Variants in PODXL observed in about 807,000 individuals in gnomAD.
PODXL encodes podocalyxin like.
Under a neutral mutation model 48.9 loss-of-function variants are expected in PODXL, and 20 were observed. The observed-to-expected ratio is 0.41, with a 90% confidence interval of 0.29 to 0.59. The LOEUF (loss-of-function observed/expected upper bound fraction) is 0.59. PODXL is among the 20% of genes least tolerant of loss of function. The probability of loss-of-function intolerance (pLI) is 0.31; values close to 1 mark genes in which losing one functional copy is unlikely to be tolerated. For missense variants in PODXL, 606 were observed against 675.1 expected (o/e 0.90, Z 1.13); for synonymous variants, 295 against 287.4 (o/e 1.03, Z -0.27).
At chr7:131,520,703 T>C (rs1798077746) in intron 1 of PODXL, among the ~76,000 whole-genome samples, 2 of 152,238 alleles carry the variant, frequency 1.3e-5, no homozygotes, top group Admixed American at 6.5e-5. Context: ...AATTGTTTCA[T>C]GTACAATCGT....
chr7:131,513,223 T>C (rs1032221287), intron 1 of PODXL, among the ~76,000 whole-genome samples: 8 of 151,994 alleles, frequency 5.3e-5, no homozygotes, highest in African/African-American at 1.7e-4. Context: ...AAAGAGAAGT[T>C]AGGAGGCAAT....
At chr7:131,508,899 T>C (rs144881342) in intron 5 of PODXL, 52 bp downstream of exon 5, 93 of 1,253,474 alleles carry the variant, frequency 7.4e-5, no homozygotes, top group Middle Eastern at 5.7e-4. Context: ...TCTCCCTCCC[T>C]CAGCCCTGCT....
chr7:131,506,813 C>G (rs2116780102), intron 5 of PODXL, 87 bp from the exon 6 acceptor site: 3 of 1,439,224 alleles, frequency 2.1e-6, no homozygotes, highest in Non-Finnish European at 2.9e-6. Context: ...AAGGTCGGGA[C>G]AGTGCTGTTG....
rs775136357 is a variant in PODXL, at chr7:131,509,480, G to A, written c.908C>T (p.Thr303Met). The A allele has an allele frequency of 2.5e-5, 40 of 1,613,776 alleles. No individual in the cohort carries two copies. The highest frequency in any genetic ancestry group is 1.6e-4 in the South Asian group (15 of 91,048). ...TGGCAGGGTAGGTGTTCTCAATGCCGTTGCCGGGCTCGTGGGCTGCACTGT... is the reference window on the plus strand; with the variant it reads ...TGGCAGGGTAGGTGTTCTCAATGCCATTGCCGGGCTCGTGGGCTGCACTGT... ...QETVQPTSPA[T>M]ALRTPTLPET... The change falls in exon 4 of 9, where the codon ACG becomes ATG. Residue 303 changes from threonine (T) to methionine (M), a missense_variant. Physicochemically the swap from Thr to Met is moderately conservative, Grantham distance 81 (BLOSUM62 -1). Coordinates refer to ENST00000378555, the MANE Select transcript of PODXL (RefSeq NM_001018111.3).
chr7:131,520,371 T>TC, intron 1 of PODXL: 1 of 471,446 alleles, frequency 2.1e-6, no homozygotes, highest in South Asian at 1.8e-5. Flanking sequence ...ATAAAGAATG[T>TC]CCCATACCTA....
At chr7:131,507,020 C>T (rs902753179) in intron 5 of PODXL, 3 of 357,126 alleles carry the variant, frequency 8.4e-6, no homozygotes, top group Admixed American at 4.3e-5. Context: ...CCTCTTTTTT[C>T]CCTCCAAGCT....
At chr7:131,530,211 G>T (rs1314788035) in intron 1 of PODXL, among the ~76,000 whole-genome samples, 1 of 134,758 alleles carries the variant, frequency 7.4e-6, no homozygotes. Flanking sequence ...GCTGGCCATT[G>T]TACACTGGCC....
chr7:131,554,398 C>T (rs1185700073), intron 1 of PODXL, among the ~76,000 whole-genome samples: 1 of 152,230 alleles, frequency 6.6e-6, no homozygotes, highest in Non-Finnish European at 1.5e-5. Flanking sequence ...TACTATAATG[C>T]ATACAGTGCT....
intron 7 of PODXL, 107 bp from the exon 8 acceptor site, chr7:131,506,142 G>A (rs1419563740): frequency 2.9e-5 from 45 of 1,538,912 alleles, no homozygotes; most frequent in East Asian, 1.1e-4. Context: ...CCGTGCCGCC[G>A]CCCTCTTCTA....
At chr7:131,537,311 T>TC (rs1562914885) in intron 1 of PODXL, among the ~76,000 whole-genome samples, 2 of 133,158 alleles carry the variant, frequency 1.5e-5, no homozygotes, top group South Asian at 2.5e-4. Context: ...ACCTGTTTTT[T>TC]TAAAAAAAAA....
rs1187242227 is a variant in PODXL at position 131,556,306 on chromosome 7, C to A, written c.54G>T (p.Pro18=). ...SALLLLLSTP[P]LLPSSPSPSP... ...ACGGCGACGGCGACGACGGCAGCAG[C>A]GGCGGCGTTGACAACAGTAGCAGCA... Residue 18 remains proline (P), a synonymous_variant, in exon 1 of 9, where the codon CCG becomes CCT. Transcript: ENST00000378555. The A allele has an allele frequency of 6.7e-7, 1 of 1,503,652 alleles. No homozygotes were observed. Among genetic ancestry groups the A allele is most frequent in the Non-Finnish European group, 8.8e-7 (1 of 1,130,470 alleles). The allele number at this position is 1,503,652 out of a possible 1,614,324, so 93.1% of individuals were successfully genotyped here.
Position 131,506,566 on chromosome 7 carries a change from G to C in PODXL, c.1249+13C>G. 1 of 1,613,282 alleles carries C rather than the reference G, an allele frequency of 6.2e-7. No homozygotes were observed. Among genetic ancestry groups the C allele is most frequent in the Non-Finnish European group, 8.5e-7 (1 of 1,179,434 alleles). ...TGCAGGCCCCAGCCCAGGCCCCCTT[G>C]CCCTCCACTCACTGTGAATAGTGAT... is the stretch of plus-strand genomic sequence containing the variant. On this transcript the variant is annotated intron_variant, in intron 6 of 8. Coordinates refer to ENST00000378555, the MANE Select transcript of PODXL (RefSeq NM_001018111.3).
At chr7:131,507,293 G>A (rs1797825913) in intron 5 of PODXL, among the ~76,000 whole-genome samples, 2 of 152,236 alleles carry the variant, frequency 1.3e-5, no homozygotes, top group African/African-American at 2.4e-5. Flanking sequence ...CAGGCTGACA[G>A]GGAAGGGGCT....
Position 131,511,200 on chromosome 7 carries a change from C to T in PODXL, c.334G>A (p.Gly112Ser), listed in dbSNP as rs3735035. ...ATGGTGGTAGTAGGGTTGCCTGAGC[C>T]GCCTCCTCTAGCCACGGTAGTGTTG... Reference protein sequence around the residue: ...PVNTTVARGGGSGNPTTTIES... With the variant: ...PVNTTVARGGSSGNPTTTIES... Residue 112 changes from glycine (G) to serine (S), a missense_variant, in exon 2 of 9, where the codon GGC (glycine) becomes AGC (serine). Physicochemically the swap from Gly to Ser is moderately conservative, Grantham distance 56. Transcript: ENST00000378555. 0.45 allele frequency: 728,420 copies of T among 1,613,396 alleles called. 171,906 individuals are homozygous for T. The highest frequency in any genetic ancestry group is 0.59 in the East Asian group (26,681 of 44,846).
At position 131,506,604 on chromosome 7, in the gene PODXL, C is replaced by T. The variant is rs2116779215; in HGVS notation, c.1224G>A (p.Val408=). 6.2e-7 allele frequency: 1 copy of T among 1,614,170 alleles called. No homozygotes were observed. The highest frequency in any genetic ancestry group is 1.3e-5 in the African/African-American group (1 of 75,048). ...TGTGAATAGTGATTTCTTTGACGAC[C>T]ACGGTCTGACTTCCTGGAACAGATG... is the stretch of plus-strand genomic sequence containing the variant. ...RLASVPGSQT[V]VVKEITIHTK... The change falls in exon 6 of 9, where the codon GTG becomes GTA. Residue 408 remains valine, a synonymous_variant. Coordinates refer to ENST00000378555, the MANE Select transcript of PODXL (RefSeq NM_001018111.3).
chr7:131,552,754 G>A (rs1037168650), intron 1 of PODXL, among the ~76,000 whole-genome samples: 2 of 152,060 alleles, frequency 1.3e-5, no homozygotes, highest in Non-Finnish European at 2.9e-5. Flanking sequence ...CACCATGCTG[G>A]GAACACCCAC....
Position 131,505,982 on chromosome 7 carries a change from C to T in PODXL, c.1365G>A (p.Glu455=). The T allele has an allele frequency of 6.2e-7, 1 of 1,612,202 alleles. No homozygotes were observed. Among genetic ancestry groups the T allele is most frequent in the Non-Finnish European group, 8.5e-7 (1 of 1,179,416 alleles). Residue 455 remains glutamate (E), a synonymous_variant, in exon 8 of 9, where the codon GAG becomes GAA. Coordinates refer to ENST00000378555, the MANE Select transcript of PODXL (RefSeq NM_001018111.3). ...TGATGAGGGGCATGCTGAAGCGGTCCTCGGCCTCCTCCGGTGGCCCCTGGT... is the reference window on the plus strand; with the variant it reads ...TGATGAGGGGCATGCTGAAGCGGTCTTCGGCCTCCTCCGGTGGCCCCTGGT... ...LGDQGPPEEA[E]DRFSMPLIIT...
In PODXL at chr7:131,501,179, T is replaced by C. The variant is rs1797696281; in HGVS notation, c.*3132A>G. 6.6e-6 allele frequency: 1 copy of C among 152,334 alleles called. No homozygotes were observed. Among genetic ancestry groups the C allele is most frequent in the African/African-American group, 2.4e-5 (1 of 41,178 alleles). The allele number at this position is 152,334 out of a possible 1,614,324, so 9.4% of individuals were successfully genotyped here. A position where few individuals can be genotyped will look rare whatever the true frequency, so the allele number is the denominator to read the frequency against. ...AGTTTGTCTTGTTATATTTCATTTTTTGTTTAAAAAAAAAAATCAAGCAAA... is the reference window on the plus strand; with the variant it reads ...AGTTTGTCTTGTTATATTTCATTTTCTGTTTAAAAAAAAAAATCAAGCAAA... On this transcript the variant is annotated 3_prime_UTR_variant, in exon 9 of 9. Transcript: ENST00000378555.
chr7:131,529,997 C>G (rs1367140367), intron 1 of PODXL, among the ~76,000 whole-genome samples: 1 of 147,186 alleles, frequency 6.8e-6, no homozygotes, highest in Non-Finnish European at 1.5e-5. Flanking sequence ...CGGGGCCTTT[C>G]CAAGGGCTGC....
Sources: gnomAD v4.1 joint callset for allele counts (sites outside exome capture counted in the v4.1 genomes callset) on GRCh38, gnomAD v4.1.1 for gene constraint, MANE v1.5 for transcripts, NCBI Gene and HGNC (gene_info 2026-07-23, HGNC 2026-07-21) for gene names.